Variants in FAM83A observed in about 807,000 individuals in gnomAD.
FAM83A encodes scaffolding CK1 anchoring protein A, also known as protein FAM83A.
FAM83A carries 21 observed loss-of-function variants against 24.4 expected under a neutral mutation model. The observed-to-expected ratio is 0.86, with a 90% CI of 0.61 to 1.24. The LOEUF (loss-of-function observed/expected upper bound fraction) is 1.24. FAM83A is among the 50% of genes most tolerant of loss of function. FAM83A has a pLI of 0.00. For missense variants in FAM83A, 617 were observed against 579.8 expected, an observed-to-expected ratio of 1.06 and a Z score of -0.66; for synonymous variants, 270 against 252.4, an observed-to-expected ratio of 1.07 and a Z score of -0.66.
chr8:123,181,113 AT>A (rs1823588420), upstream of FAM83A, among the ~76,000 whole-genome samples: 1 of 151,964 alleles, frequency 6.6e-6, no homozygotes. Context: ...GGCCCGGCTA[AT>A]TTTTGTATTT....
At chr8:123,208,048 C>T (rs919062960) in exon 4 of FAM83A, 3 of 1,074,992 alleles carry the variant, frequency 2.8e-6, no homozygotes, top group Admixed American at 1.1e-4. Context: ...CCAAGTTTTA[C>T]AAATGGGTAA....
intron 1 of FAM83A, 75 bp downstream of exon 1, chr8:123,183,411 G>T (rs761228676): frequency 7.8e-6 from 12 of 1,536,988 alleles, no homozygotes; most frequent in Middle Eastern, 3.5e-4. Flanking sequence ...AGGGAGGGGG[G>T]TGCATTTTGC....
chr8:123,182,618 C>A, upstream of FAM83A: 1 of 709,290 alleles, frequency 1.4e-6, no homozygotes, highest in Non-Finnish European at 2.5e-6. Flanking sequence ...GGCCCGAGGG[C>A]AGGGCAGGTG....
intron 3 of FAM83A, among the ~76,000 whole-genome samples, chr8:123,204,678 C>T (rs1476890315): frequency 2.6e-5 from 4 of 152,000 alleles, no homozygotes; most frequent in Non-Finnish European, 5.9e-5. Flanking sequence ...AGGAGAATGG[C>T]TTGAACCCAG....
exon 2 of FAM83A, chr8:123,191,813 T>C: frequency 1.2e-6 from 2 of 1,613,834 alleles, no homozygotes; most frequent in Non-Finnish European, 1.7e-6. Flanking sequence ...GTCCTGGTCA[T>C]CCTGATGGAT....
intron 1 of FAM83A, among the ~76,000 whole-genome samples, chr8:123,190,409 G>T (rs989904730): frequency 1.1e-4 from 17 of 151,572 alleles, no homozygotes; most frequent in Non-Finnish European, 1.9e-4. Context: ...CTATAGGCGT[G>T]CACTACCAGT....
chr8:123,194,600 C>T (rs1349003821), intron 3 of FAM83A, among the ~76,000 whole-genome samples: 1 of 151,904 alleles, frequency 6.6e-6, no homozygotes, highest in East Asian at 1.9e-4. Flanking sequence ...TCTCCTCCCT[C>T]AGCCCCCCAA....
chr8:123,208,272 C>T, exon 4 of FAM83A: 1 of 985,438 alleles, frequency 1.0e-6, no homozygotes, highest in Non-Finnish European at 1.2e-6. Flanking sequence ...GCCCCAGAAC[C>T]CGTTATCTAT....
At chr8:123,208,453 T>C in exon 4 of FAM83A, 1 of 985,400 alleles carries the variant, frequency 1.0e-6, no homozygotes. Flanking sequence ...GGAGCTTGAG[T>C]TGTCAGGGGC....
intron 2 of FAM83A, among the ~76,000 whole-genome samples, chr8:123,193,774 G>A (rs1386113501): frequency 1.3e-5 from 2 of 152,202 alleles, no homozygotes; most frequent in African/African-American, 4.8e-5. Context: ...TCTTCTTGCT[G>A]TGTCCTCACA....
At chr8:123,187,949 C>A (rs1327646544) in intron 1 of FAM83A, among the ~76,000 whole-genome samples, 1 of 152,126 alleles carries the variant, frequency 6.6e-6, no homozygotes, top group African/African-American at 2.4e-5. Flanking sequence ...CAACCTCCGC[C>A]TCCCAGGTTC....
At position 123,183,286 on chromosome 8, in the gene FAM83A, CACA is replaced by C. The variant is rs775416510; in HGVS notation, c.437_439del (p.Asn146del). 149 of 1,613,240 alleles carry C rather than the reference CACA, an allele frequency of 9.2e-5. 3 individuals are homozygous for C. The South Asian group carries it at 1.4e-3, about 15-fold the overall frequency. On this transcript the variant is annotated inframe_deletion, in exon 1 of 4. Coordinates refer to ENST00000690554, the Ensembl canonical transcript of FAM83A. ...CACTGTGTACTTCCAGACCGTCAAGCACAACAACATCAGAGACCTCGTCCGCCG... is the reference window on the plus strand; with the variant it reads ...CACTGTGTACTTCCAGACCGTCAAGCACAACATCAGAGACCTCGTCCGCCG...
exon 4 of FAM83A, chr8:123,207,984 CG>C: frequency 5.9e-6 from 7 of 1,192,708 alleles, no homozygotes; most frequent in Non-Finnish European, 7.3e-6. Flanking sequence ...AGAGATCATC[CG>C]GGGCTTTAAT....
chr8:123,183,048 C>T (rs1823660261), exon 1 of FAM83A: 3 of 1,612,412 alleles, frequency 1.9e-6, no homozygotes, highest in South Asian at 1.1e-5. Flanking sequence ...ACTTCTTGTC[C>T]TCGGTGGAGG....
upstream of FAM83A, chr8:123,180,126 C>A (rs1164712692): frequency 6.6e-6 from 1 of 152,122 alleles, no homozygotes; most frequent in Admixed American, 6.5e-5. Context: ...TCCATTTCTC[C>A]CTCAGTACAG....
chr8:123,182,530 C>G, upstream of FAM83A: 1 of 533,040 alleles, frequency 1.9e-6, no homozygotes, highest in Non-Finnish European at 3.6e-6. Context: ...GGCTCACCTT[C>G]GCCTCCCCCT....
At chr8:123,196,569 CCTT>C (rs1385280632) in intron 3 of FAM83A, among the ~76,000 whole-genome samples, 1 of 152,048 alleles carries the variant, frequency 6.6e-6, no homozygotes, top group Non-Finnish European at 1.5e-5. Context: ...TAATGGGACT[CCTT>C]CAGTTTTTAA....
intron 1 of FAM83A, among the ~76,000 whole-genome samples, chr8:123,187,200 G>A (rs1670171): frequency 0.76 from 115,221 of 152,082 alleles, 43,952 homozygotes; most frequent in African/African-American, 0.83. Context: ...CAGAGCTTGG[G>A]GATGTGATAA....
At chr8:123,208,243 C>T (rs1259846317) in exon 4 of FAM83A, 1 of 985,480 alleles carries the variant, frequency 1.0e-6, no homozygotes, top group East Asian at 1.1e-4. Context: ...ATCCTTGGGC[C>T]CAATGAATTA....
Sources: allele counts gnomAD v4.1 joint callset (sites outside exome capture counted in the v4.1 genomes callset), GRCh38; gene constraint gnomAD v4.1.1; transcripts MANE v1.5; gene names NCBI Gene and HGNC (gene_info 2026-07-23, HGNC 2026-07-21).